The following CLDN10 variants were observed in gnomAD, a reference collection of about 807,000 sequenced individuals.
The protein encoded by CLDN10 is claudin-10.
CLDN10 carries 15 observed loss-of-function variants against 22.9 expected under a neutral mutation model. The ratio of observed to expected loss-of-function variants is 0.65; its 90% CI spans 0.44 to 1.01. CLDN10 has a LOEUF of 1.01. Among genes scored for constraint, CLDN10 ranks in the 50% least tolerant of loss-of-function variants. CLDN10 has a pLI of 0.00. For synonymous variants in CLDN10, 114 were observed against 111.4 expected, an observed-to-expected ratio of 1.02 and a Z score of -0.15; for missense variants, 247 against 287.8, an observed-to-expected ratio of 0.86 and a Z score of 1.03.
At chr13:95,475,862 C>T (rs2042681466) in intron 1 of CLDN10, among the ~76,000 whole-genome samples, 1 of 152,152 alleles carries the variant, frequency 6.6e-6, no homozygotes, top group Non-Finnish European at 1.5e-5. Flanking sequence ...CCCTCACCCT[C>T]TCTCCCTGTC....
intron 1 of CLDN10, among the ~76,000 whole-genome samples, chr13:95,434,993 T>C (rs947873112): frequency 6.6e-6 from 1 of 151,730 alleles, no homozygotes; most frequent in Non-Finnish European, 1.5e-5. Context: ...CTGTTTACTT[T>C]CCCCTTTGGT....
intron 1 of CLDN10, among the ~76,000 whole-genome samples, chr13:95,558,345 C>T (rs569147978): frequency 1.3e-5 from 2 of 152,288 alleles, no homozygotes; most frequent in South Asian, 2.1e-4. Context: ...CATTTGGCAG[C>T]GGAGACCCAG....
At chr13:95,473,139 CAAA>C (rs765295179) in intron 1 of CLDN10, among the ~76,000 whole-genome samples, 2,110 of 58,730 alleles carry the variant, frequency 0.036, 70 homozygotes, top group African/African-American at 0.095. Context: ...AAACCTATCT[CAAA>C]AAAAAAAAAA....
At chr13:95,469,122 C>CTT (rs78396973) in intron 1 of CLDN10, among the ~76,000 whole-genome samples, 1 of 139,802 alleles carries the variant, frequency 7.2e-6, no homozygotes, top group Non-Finnish European at 1.6e-5. Flanking sequence ...TTTTCTGTTT[C>CTT]TTTTTTTTTT....
intron 1 of CLDN10, among the ~76,000 whole-genome samples, chr13:95,484,841 G>A (rs2042786893): frequency 7.2e-6 from 1 of 139,412 alleles, no homozygotes; most frequent in Non-Finnish European, 1.5e-5. Context: ...ACTCCAGCCT[G>A]GGTAACAAAG....
At chr13:95,477,109 C>A (rs1344405965) in intron 1 of CLDN10, among the ~76,000 whole-genome samples, 2 of 152,146 alleles carry the variant, frequency 1.3e-5, no homozygotes, top group East Asian at 3.9e-4. Context: ...TGATGACTCT[C>A]ACTGAAGAGA....
At chr13:95,498,551 C>T (rs535723955) in intron 1 of CLDN10, among the ~76,000 whole-genome samples, 42 of 152,000 alleles carry the variant, frequency 2.8e-4, no homozygotes, top group Non-Finnish European at 3.4e-4. Flanking sequence ...CAAGCCACCA[C>T]GCCTGGCTGA....
rs762522263 is a variant in CLDN10, at chr13:95,506,688, CTG to C, written c.215-53442_215-53441del. On this transcript the variant is annotated intron_variant, in intron 1 of 4. Transcript: ENST00000376873. ...GTATGGTTTGGTCTCTCCATCAACA[CTG>C]TCTGATTTCTTTACTATTTTATCCA... Among the ~76,000 whole-genome samples the C allele has an allele frequency of 3.9e-5, 6 of 152,348 alleles. No individual in the cohort carries two copies. In the East Asian group the frequency reaches 1.2e-3, roughly 29 times the overall value.
chr13:95,470,720 A>G (rs1005825322), intron 1 of CLDN10, among the ~76,000 whole-genome samples: 1 of 151,952 alleles, frequency 6.6e-6, no homozygotes, highest in Non-Finnish European at 1.5e-5. Context: ...CGTCCTGCCT[A>G]TTTCTGTTCT....
chr13:95,434,445 G>GTC (rs56278645), intron 1 of CLDN10, among the ~76,000 whole-genome samples: 1 of 140,322 alleles, frequency 7.1e-6, no homozygotes, highest in Non-Finnish European at 1.6e-5. Context: ...CTCTCTCTCT[G>GTC]TCTCTCTCTC....
chr13:95,471,232 A>C (rs182730454), intron 1 of CLDN10, among the ~76,000 whole-genome samples: 1 of 152,116 alleles, frequency 6.6e-6, no homozygotes, highest in East Asian at 1.9e-4. Flanking sequence ...AGAGTAAGGC[A>C]TGTTGGAGTG....
At chr13:95,483,688 A>C (rs1185033518) in intron 1 of CLDN10, among the ~76,000 whole-genome samples, 1 of 152,190 alleles carries the variant, frequency 6.6e-6, no homozygotes, top group Non-Finnish European at 1.5e-5. Flanking sequence ...AAACCTCACC[A>C]AGAGCTCTGG....
chr13:95,454,621 T>A (rs1286973652), intron 1 of CLDN10, among the ~76,000 whole-genome samples: 1 of 151,890 alleles, frequency 6.6e-6, no homozygotes, highest in Non-Finnish European at 1.5e-5. Context: ...TCACAGAAGA[T>A]TAGTGGAGAG....
chr13:95,527,623 C>A (rs2043297315), intron 1 of CLDN10, among the ~76,000 whole-genome samples: 1 of 152,042 alleles, frequency 6.6e-6, no homozygotes, highest in South Asian at 2.1e-4. Flanking sequence ...GTAATCCCAG[C>A]TACTCAGGAG....
rs969000710 is a variant in CLDN10, at chr13:95,437,426, G to A, written c.214+3379G>A. Reference sequence around the variant, plus strand: ...TGTTTTGTTTTTCTGTCATATCTACGTTAATAGGAATGCTTTCACTATGAA... The same window carrying A: ...TGTTTTGTTTTTCTGTCATATCTACATTAATAGGAATGCTTTCACTATGAA... On this transcript the variant is annotated intron_variant, in intron 1 of 4. Transcript: ENST00000376873. Among the ~76,000 whole-genome samples the A allele has an allele frequency of 4.6e-5, 7 of 152,220 alleles. No homozygotes were observed. The East Asian group carries it at 5.8e-4, about 13-fold the overall frequency.
upstream of CLDN10, among the ~76,000 whole-genome samples, chr13:95,551,235 G>C (rs1280680866): frequency 6.6e-6 from 1 of 152,208 alleles, no homozygotes; most frequent in East Asian, 1.9e-4. Flanking sequence ...ACATTGAAGA[G>C]AGACAGATTT....
intron 1 of CLDN10, among the ~76,000 whole-genome samples, chr13:95,459,577 T>C (rs1366272794): frequency 6.6e-6 from 1 of 152,174 alleles, no homozygotes; most frequent in East Asian, 1.9e-4. Context: ...ATTTTAGCCA[T>C]GGCTAGGATG....
intron 1 of CLDN10, among the ~76,000 whole-genome samples, chr13:95,516,324 C>T (rs953722230): frequency 6.6e-6 from 1 of 152,032 alleles, no homozygotes; most frequent in Non-Finnish European, 1.5e-5. Context: ...ATATAAGAAA[C>T]AGCATTGAAG....
intron 1 of CLDN10, among the ~76,000 whole-genome samples, chr13:95,475,592 T>C (rs371296363): frequency 6.6e-6 from 1 of 152,182 alleles, no homozygotes; most frequent in Admixed American, 6.5e-5. Flanking sequence ...GTTTCAGTGC[T>C]GTTTGCCCCA....
Sources: allele counts gnomAD v4.1 joint callset (sites outside exome capture counted in the v4.1 genomes callset), GRCh38; gene constraint gnomAD v4.1.1; transcripts MANE v1.5; gene names NCBI Gene and HGNC (gene_info 2026-07-23, HGNC 2026-07-21).